The following DCC variants were observed in gnomAD, a reference collection of about 807,000 sequenced individuals.
DCC encodes netrin receptor DCC.
DCC carries 58 observed loss-of-function variants against 172.5 expected under a neutral mutation model. That is an observed-to-expected ratio of 0.34 (90% CI 0.27 to 0.42). The LOEUF (loss-of-function observed/expected upper bound fraction) is 0.42. Ranked by LOEUF, DCC falls within the 10% of genes least tolerant of loss-of-function variation. DCC has a pLI of 1.00. For missense variants in DCC, 1,740 were observed against 1,791.0 expected (o/e 0.97, Z 0.51); for synonymous variants, 709 against 644.5 (o/e 1.10, Z -1.52).
Position 52,664,470 on chromosome 18 carries a change from C to CTTTTTTTTTTT in DCC, c.92-87579_92-87578insTTTTTTTTTTT, listed in dbSNP as rs74178680. ...CAAATATCTTTTTTCTTTTCTTTTT[C>CTTTTTTTTTTT]TTTTTCTTTTTTTTTTTTTTTTGAG... On this transcript the variant is annotated intron_variant, in intron 1 of 28. Transcript: ENST00000442544. Among the ~76,000 whole-genome samples, 64 of 99,794 alleles carry CTTTTTTTTTTT rather than the reference C, an allele frequency of 6.4e-4. 3 individuals are homozygous for CTTTTTTTTTTT. The highest frequency in any genetic ancestry group is 8.0e-4 in the Admixed American group (7 of 8,796). The allele number at this position is 99,794 out of a possible 152,430, so 65.5% of individuals were successfully genotyped here. A position where few individuals can be genotyped will look rare whatever the true frequency, so the allele number is the denominator to read the frequency against.
chr18:52,464,114 T>G (rs1015510419), intron 1 of DCC, among the ~76,000 whole-genome samples: 1 of 152,226 alleles, frequency 6.6e-6, no homozygotes, highest in Non-Finnish European at 1.5e-5. Flanking sequence ...TATCAGTCTA[T>G]TGAGTGCAAG....
chr18:53,286,616 A>T (rs1254618720), intron 12 of DCC, among the ~76,000 whole-genome samples: 1 of 152,200 alleles, frequency 6.6e-6, no homozygotes, highest in Non-Finnish European at 1.5e-5. Flanking sequence ...CAGAGGCAGC[A>T]CTTGATGCAA....
At chr18:52,877,526 T>C (rs1484557751) in intron 2 of DCC, among the ~76,000 whole-genome samples, 2 of 151,934 alleles carry the variant, frequency 1.3e-5, no homozygotes, top group African/African-American at 4.8e-5. Flanking sequence ...CTGGGCAACA[T>C]GGTAAGACTG....
chr18:53,353,866 C>A (rs2057842828), intron 15 of DCC, among the ~76,000 whole-genome samples: 1 of 152,036 alleles, frequency 6.6e-6, no homozygotes, highest in Non-Finnish European at 1.5e-5. Context: ...GTGTGCTGCA[C>A]CCATTAACTT....
intron 5 of DCC, among the ~76,000 whole-genome samples, chr18:53,009,637 G>A (rs1294929076): frequency 2.0e-5 from 3 of 151,836 alleles, no homozygotes; most frequent in African/African-American, 4.8e-5. Context: ...CATGGATGGC[G>A]GCATAAGTTT....
intron 2 of DCC, among the ~76,000 whole-genome samples, chr18:52,783,215 G>T (rs780066766): frequency 1.1e-4 from 16 of 149,276 alleles, no homozygotes; most frequent in Non-Finnish European, 2.4e-4. Flanking sequence ...ATTCCTACTT[G>T]TTCTTTTTAC....
At chr18:52,848,714 C>T (rs2145335147) in intron 2 of DCC, among the ~76,000 whole-genome samples, 1 of 152,220 alleles carries the variant, frequency 6.6e-6, no homozygotes, top group South Asian at 2.1e-4. Flanking sequence ...CATAACTATC[C>T]AGTTGACCCA....
intron 1 of DCC, among the ~76,000 whole-genome samples, chr18:52,438,262 A>G (rs564517837): frequency 6.6e-6 from 1 of 152,264 alleles, no homozygotes; most frequent in Admixed American, 6.5e-5. Context: ...TAACTTTGAG[A>G]TGTGCAAAAG....
In DCC at chr18:53,061,792, G is replaced by T. The variant is rs189298345; in HGVS notation, c.986-1513G>T. 3.3e-5 allele frequency among the ~76,000 whole-genome samples: 5 copies of T among 152,162 alleles called. No homozygotes were observed. In the East Asian group the frequency reaches 9.7e-4, roughly 29 times the overall value. Reference sequence around the variant, plus strand: ...ACTTCAATCTCTCCATTTGTAAAGTGGGGATAATAGAACCTGCTTCAGGTA... The same window carrying T: ...ACTTCAATCTCTCCATTTGTAAAGTTGGGATAATAGAACCTGCTTCAGGTA... On this transcript the variant is annotated intron_variant, in intron 5 of 28. Coordinates refer to ENST00000442544, the MANE Select transcript of DCC (RefSeq NM_005215.4).
At chr18:53,404,420 A>C (rs891128459) in intron 19 of DCC, among the ~76,000 whole-genome samples, 1 of 90,766 alleles carries the variant, frequency 1.1e-5, no homozygotes, top group African/African-American at 3.1e-5. Context: ...AAAAAATAGA[A>C]GTCTAGCCCA....
Position 52,888,753 on chromosome 18 carries a change from T to C in DCC, c.413-17291T>C, listed in dbSNP as rs138145744. On this transcript the variant is annotated intron_variant, in intron 2 of 28. Coordinates refer to ENST00000442544, the MANE Select transcript of DCC (RefSeq NM_005215.4). Reference sequence around the variant, plus strand: ...CCAATGAATTCACCACTGGTTTTAATAGTTTACCATATATTTTAGCAAGAA... The same window carrying C: ...CCAATGAATTCACCACTGGTTTTAACAGTTTACCATATATTTTAGCAAGAA... Among the ~76,000 whole-genome samples the C allele has an allele frequency of 4.4e-3, 667 of 152,164 alleles. 8 individuals are homozygous for C. Among genetic ancestry groups the C allele is most frequent in the African/African-American group, 0.014 (582 of 41,542 alleles).
At chr18:52,575,632 A>G (rs2033391314) in intron 1 of DCC, among the ~76,000 whole-genome samples, 1 of 152,014 alleles carries the variant, frequency 6.6e-6, no homozygotes, top group African/African-American at 2.4e-5. Context: ...GAAAAATCGC[A>G]CTCATAGTGT....
intron 1 of DCC, among the ~76,000 whole-genome samples, chr18:52,476,473 G>A: frequency 6.6e-6 from 1 of 152,162 alleles, no homozygotes; most frequent in East Asian, 1.9e-4. Flanking sequence ...ATTATGGCAA[G>A]CTTTTCATTT....
At chr18:53,173,404 CTA>C (rs2055042921) in intron 8 of DCC, among the ~76,000 whole-genome samples, 1 of 152,050 alleles carries the variant, frequency 6.6e-6, no homozygotes, top group Non-Finnish European at 1.5e-5. Flanking sequence ...ACAATTTTAA[CTA>C]TTTTTGAGTG....
chr18:52,401,440 T>C (rs949026480), intron 1 of DCC, among the ~76,000 whole-genome samples: 8 of 152,046 alleles, frequency 5.3e-5, no homozygotes, highest in African/African-American at 1.4e-4. Flanking sequence ...AACCATTTAC[T>C]GACGCTGAAG....
intron 1 of DCC, among the ~76,000 whole-genome samples, chr18:52,420,696 G>A (rs116477176): frequency 2.0e-5 from 3 of 152,124 alleles, no homozygotes; most frequent in African/African-American, 7.2e-5. Flanking sequence ...TGAGCTAAGA[G>A]GTTAAAGCAG....
chr18:52,908,626 G>T (rs779361820), intron 3 of DCC, among the ~76,000 whole-genome samples: 18 of 151,974 alleles, frequency 1.2e-4, no homozygotes, highest in Non-Finnish European at 2.2e-4. Context: ...AAGACACAGA[G>T]ACATTATAAT....
intron 5 of DCC, among the ~76,000 whole-genome samples, chr18:52,951,572 T>G (rs2040648345): frequency 6.6e-6 from 1 of 152,200 alleles, no homozygotes. Flanking sequence ...CTGAGAATGA[T>G]GGCTTCCAGC....
intron 1 of DCC, among the ~76,000 whole-genome samples, chr18:52,413,629 A>C (rs971592230): frequency 1.3e-5 from 2 of 152,028 alleles, no homozygotes; most frequent in Admixed American, 6.6e-5. Context: ...AACATGTTAC[A>C]TATTTTTATT....
Sources: gnomAD v4.1 joint callset for allele counts (sites outside exome capture counted in the v4.1 genomes callset) on GRCh38, gnomAD v4.1.1 for gene constraint, MANE v1.5 for transcripts, NCBI Gene and HGNC (gene_info 2026-07-23, HGNC 2026-07-21) for gene names.